PRKRIP1: variants seen among roughly 807,000 people sequenced by gnomAD.
The protein encoded by PRKRIP1 is PRKR-interacting protein 1.
In PRKRIP1, 29 loss-of-function variants were observed where a neutral mutation model predicts 29.3. The observed-to-expected ratio is 0.99, with a 90% CI of 0.74 to 1.35. The LOEUF (loss-of-function observed/expected upper bound fraction) is 1.35, where lower values mean the gene tolerates loss of function less well. PRKRIP1 is among the 40% of genes most tolerant of loss of function. The pLI, the probability that PRKRIP1 is intolerant of heterozygous loss-of-function variation, is 0.00. For missense variants in PRKRIP1, 247 were observed against 236.8 expected, an observed-to-expected ratio of 1.04 and a Z score of -0.28; for synonymous variants, 90 against 85.1, an observed-to-expected ratio of 1.06 and a Z score of -0.32.
intron 5 of PRKRIP1, chr7:102,423,287 G>C (rs1563625672): frequency 2.5e-6 from 1 of 405,366 alleles, no homozygotes; most frequent in Non-Finnish European, 5.0e-6. Flanking sequence ...GCTAATTTTT[G>C]TATTTCTAGT....
intron 5 of PRKRIP1, among the ~76,000 whole-genome samples, chr7:102,414,071 A>C (rs1796468433): frequency 6.6e-6 from 1 of 152,146 alleles, no homozygotes; most frequent in Non-Finnish European, 1.5e-5. Context: ...CTACTAAAAT[A>C]CAAAAATAAG....
intron 4 of PRKRIP1, among the ~76,000 whole-genome samples, chr7:102,407,220 A>G (rs1796254239): frequency 6.6e-6 from 1 of 152,062 alleles, no homozygotes; most frequent in South Asian, 2.1e-4. Context: ...CCGTCTCAAA[A>G]AAAAAAAAAA....
Position 102,397,713 on chromosome 7 carries a change from T to C in PRKRIP1, c.205+15T>C. ...AGATGTCATGGGTAATGGCTGTGTGTGTGTGTGTGTGTGTGTGTGTGTGTA... is the reference window on the plus strand; with the variant it reads ...AGATGTCATGGGTAATGGCTGTGTGCGTGTGTGTGTGTGTGTGTGTGTGTA... On this transcript the variant is annotated intron_variant, in intron 2 of 5. Coordinates refer to ENST00000397912, the MANE Select transcript of PRKRIP1 (RefSeq NM_024653.4). 1 of 1,452,696 alleles carries C rather than the reference T, an allele frequency of 6.9e-7. No individual in the cohort carries two copies. Among genetic ancestry groups the C allele is most frequent in the Non-Finnish European group, 9.4e-7 (1 of 1,063,464 alleles). The allele number at this position is 1,452,696 out of a possible 1,614,324, so 90.0% of individuals were successfully genotyped here.
At chr7:102,409,551 G>A (rs1421775624) in intron 5 of PRKRIP1, among the ~76,000 whole-genome samples, 1 of 152,158 alleles carries the variant, frequency 6.6e-6, no homozygotes, top group African/African-American at 2.4e-5. Flanking sequence ...AGCCAGGCAT[G>A]GTGGTGCACA....
intron 5 of PRKRIP1, 34 bp downstream of exon 5, chr7:102,407,532 C>G: frequency 6.6e-7 from 1 of 1,520,436 alleles, no homozygotes; most frequent in Non-Finnish European, 9.1e-7. Flanking sequence ...GCTGTAGCTT[C>G]TTTCTTCTTG....
intron 2 of PRKRIP1, among the ~76,000 whole-genome samples, chr7:102,398,052 GAAAA>G (rs1295358064): frequency 1.4e-5 from 2 of 144,914 alleles, no homozygotes; most frequent in Admixed American, 6.9e-5. Context: ...GTCTCAAAAA[GAAAA>G]AAAAAAGGTA....
intron 4 of PRKRIP1, among the ~76,000 whole-genome samples, chr7:102,405,018 C>G (rs1796177057): frequency 6.6e-6 from 1 of 152,080 alleles, no homozygotes; most frequent in African/African-American, 2.4e-5. Context: ...CCTCCGCCTC[C>G]TGGGTTCAAG....
intron 5 of PRKRIP1, among the ~76,000 whole-genome samples, chr7:102,414,259 G>A (rs1796473285): frequency 6.6e-6 from 1 of 151,968 alleles, no homozygotes; most frequent in African/African-American, 2.4e-5. Context: ...GTGGGGGAAG[G>A]AAATTATGGA....
chr7:102,419,349 G>A (rs551902497), intron 5 of PRKRIP1, among the ~76,000 whole-genome samples: 34 of 152,220 alleles, frequency 2.2e-4, no homozygotes, highest in Admixed American at 7.2e-4. Context: ...TGGAGGTGGA[G>A]GTTGCTGTGA....
chr7:102,416,232 A>G (rs1796533658), intron 5 of PRKRIP1, among the ~76,000 whole-genome samples: 1 of 152,172 alleles, frequency 6.6e-6, no homozygotes, highest in Admixed American at 6.6e-5. Flanking sequence ...CTCATTTTAG[A>G]ATGACTTTAG....
rs1554570575 is a variant in PRKRIP1, at chr7:102,397,617, C to T, written c.127-3C>T. The T allele has an allele frequency of 8.7e-6, 14 of 1,611,826 alleles. No individual in the cohort carries two copies. Among genetic ancestry groups the T allele is most frequent in the Non-Finnish European group, 1.2e-5 (14 of 1,178,464 alleles). On this transcript the variant is annotated splice_region_variant and splice_polypyrimidine_tract_variant and intron_variant, in intron 1 of 5. Transcript: ENST00000397912. ...TAAATGCTTTCATGTTTAAATGTTG[C>T]AGGACAAAGCAGTTCCAATTCCAGA...
chr7:102,400,408 G>A (rs1459447358), intron 3 of PRKRIP1, among the ~76,000 whole-genome samples: 12 of 152,106 alleles, frequency 7.9e-5, no homozygotes, highest in Non-Finnish European at 2.9e-5. Context: ...CAGCAACTGG[G>A]ATGAATCTTT....
chr7:102,416,105 G>A (rs1454241440), intron 5 of PRKRIP1, among the ~76,000 whole-genome samples: 4 of 152,230 alleles, frequency 2.6e-5, no homozygotes, highest in African/African-American at 7.2e-5. Flanking sequence ...CCTAGAAGTC[G>A]CCTTTCCTGC....
intron 1 of PRKRIP1, 42 bp downstream of exon 1, chr7:102,396,579 C>T (rs782622677): frequency 6.3e-7 from 1 of 1,582,374 alleles, no homozygotes; most frequent in Non-Finnish European, 8.6e-7. Flanking sequence ...CGAGGCCCAC[C>T]CCCTTCCTCT....
chr7:102,399,480 C>G, intron 2 of PRKRIP1, 68 bp from the exon 3 acceptor site: 1 of 1,287,732 alleles, frequency 7.8e-7, no homozygotes. Context: ...CTTTAGTCAC[C>G]CTCGATTAAG....
intron 5 of PRKRIP1, among the ~76,000 whole-genome samples, chr7:102,415,858 T>C (rs1796521686): frequency 6.6e-6 from 1 of 152,234 alleles, no homozygotes; most frequent in South Asian, 2.1e-4. Context: ...AGCCCCAGTG[T>C]TCCTGGCCCT....
intron 5 of PRKRIP1, among the ~76,000 whole-genome samples, chr7:102,409,755 T>G (rs1796329308): frequency 6.6e-6 from 1 of 151,764 alleles, no homozygotes; most frequent in Non-Finnish European, 1.5e-5. Context: ...GCCCAGGAGG[T>G]CAAGGCTGCA....
intron 5 of PRKRIP1, among the ~76,000 whole-genome samples, chr7:102,422,056 G>A (rs901655479): frequency 9.2e-5 from 14 of 151,858 alleles, no homozygotes; most frequent in African/African-American, 3.1e-4. Context: ...TGATGGTGAC[G>A]CCAAGCCACA....
At chr7:102,417,874 G>C (rs1796596563) in intron 5 of PRKRIP1, among the ~76,000 whole-genome samples, 1 of 151,868 alleles carries the variant, frequency 6.6e-6, no homozygotes, top group Admixed American at 6.6e-5. Context: ...CCCTGCCTCA[G>C]CCTCCCAAAA....
Sources: allele counts gnomAD v4.1 joint callset (sites outside exome capture counted in the v4.1 genomes callset), GRCh38; gene constraint gnomAD v4.1.1; transcripts MANE v1.5; gene names NCBI Gene and HGNC (gene_info 2026-07-23, HGNC 2026-07-21).